Variants in SMG6 observed in about 807,000 individuals in gnomAD.
SMG6 encodes the protein telomerase-binding protein EST1A.
Under a neutral mutation model 142.2 loss-of-function variants are expected in SMG6, and 66 were observed. The observed-to-expected ratio is 0.46, with a 90% CI of 0.38 to 0.57. The LOEUF is 0.57. SMG6 is among the 20% of genes least tolerant of loss of function. The probability of loss-of-function intolerance (pLI) is 0.00; values close to 1 mark genes in which losing one functional copy is unlikely to be tolerated. For synonymous variants in SMG6, 779 were observed against 702.4 expected, an observed-to-expected ratio of 1.11 and a Z score of -1.72; for missense variants, 1,793 against 1,832.0, an observed-to-expected ratio of 0.98 and a Z score of 0.39.
At chr17:2,127,991 AG>A (rs1203326839) in intron 13 of SMG6, 2 of 502,570 alleles carry the variant, frequency 4.0e-6, no homozygotes, top group African/African-American at 3.9e-5. Flanking sequence ...AAGCACACTA[AG>A]GAACGAGTGT....
intron 9 of SMG6, among the ~76,000 whole-genome samples, chr17:2,241,727 C>A (rs2073806363): frequency 6.6e-6 from 1 of 152,104 alleles, no homozygotes; most frequent in Non-Finnish European, 1.5e-5. Context: ...TGGTCCTTTC[C>A]CAAACTTATT....
At chr17:2,153,770 G>A (rs1291396303) in intron 13 of SMG6, among the ~76,000 whole-genome samples, 1 of 112,726 alleles carries the variant, frequency 8.9e-6, no homozygotes, top group Non-Finnish European at 1.9e-5. Context: ...GACGGTGACT[G>A]GGAAACCTGG....
At chr17:2,174,687 G>C (rs1428200470) in intron 12 of SMG6, among the ~76,000 whole-genome samples, 1 of 152,180 alleles carries the variant, frequency 6.6e-6, no homozygotes, top group East Asian at 1.9e-4. Flanking sequence ...GTTTTCTAAA[G>C]CCTCTCTCAG....
intron 9 of SMG6, among the ~76,000 whole-genome samples, chr17:2,240,578 C>T (rs769958934): frequency 5.9e-5 from 9 of 152,118 alleles, no homozygotes; most frequent in Non-Finnish European, 1.3e-4. Flanking sequence ...AGTTGAAGCC[C>T]GCAGCAGCTC....
chr17:2,209,622 C>T (rs2072789149), intron 10 of SMG6, among the ~76,000 whole-genome samples: 1 of 152,100 alleles, frequency 6.6e-6, no homozygotes, highest in African/African-American at 2.4e-5. Context: ...CCTTGGCCTC[C>T]CAAACTGCTA....
chr17:2,207,928 C>A (rs2072736553), intron 10 of SMG6, among the ~76,000 whole-genome samples: 1 of 152,124 alleles, frequency 6.6e-6, no homozygotes, highest in African/African-American at 2.4e-5. Context: ...CTCAAAAGAC[C>A]TAACAGGTTT....
At chr17:2,227,886 T>A (rs1017851532) in intron 10 of SMG6, among the ~76,000 whole-genome samples, 10 of 152,158 alleles carry the variant, frequency 6.6e-5, no homozygotes, top group African/African-American at 2.4e-4. Flanking sequence ...ATGGATAAAC[T>A]AATGTGACTA....
chr17:2,295,977 A>G (rs1184260717), intron 4 of SMG6, among the ~76,000 whole-genome samples: 3 of 151,834 alleles, frequency 2.0e-5, no homozygotes, highest in African/African-American at 7.3e-5. Context: ...TCTCTTTCCC[A>G]TCTCCACGAC....
At chr17:2,198,950 TAAAAAAAA>T (rs55660022) in intron 10 of SMG6, among the ~76,000 whole-genome samples, 2 of 102,152 alleles carry the variant, frequency 2.0e-5, no homozygotes, top group African/African-American at 3.7e-5. Flanking sequence ...AAAATAAAAT[TAAAAAAAA>T]AAAAAAAAAA....
At position 2,299,577 on chromosome 17, in the gene SMG6, C is replaced by T. The variant is rs544781923; in HGVS notation, c.1176G>A (p.Gln392=). The change falls in exon 2 of 19, where the codon CAG becomes CAA. Residue 392 remains glutamine (Q), a synonymous_variant. Coordinates refer to ENST00000263073, the MANE Select transcript of SMG6 (RefSeq NM_017575.5). This position sits in a 1 kb window ranked among gnomAD's most constrained non-coding sequence, Gnocchi z 4.3. ...GTTCTTGTTTCGGGTTTTTGGACTC[C>T]TGCTTCTCAGAGCCTTTGCCCCCAC... ...LSSGGKGSEK[Q]ESKNPKQELR... 89 of 1,614,198 alleles carry T rather than the reference C, an allele frequency of 5.5e-5. No homozygotes were observed. The South Asian group carries it at 6.7e-4, about 12-fold the overall frequency.
chr17:2,142,478 G>C (rs1181218305), intron 13 of SMG6, among the ~76,000 whole-genome samples: 1 of 150,876 alleles, frequency 6.6e-6, no homozygotes, highest in African/African-American at 2.5e-5. Flanking sequence ...GACCCTCTCT[G>C]TCTGTCTGTC....
intron 12 of SMG6, among the ~76,000 whole-genome samples, chr17:2,177,647 G>C (rs1045324169): frequency 6.6e-6 from 1 of 152,168 alleles, no homozygotes; most frequent in Non-Finnish European, 1.5e-5. Context: ...GAACAAACCC[G>C]GAAAGAGTTG....
intron 9 of SMG6, chr17:2,237,510 C>T: frequency 3.0e-6 from 3 of 985,544 alleles, no homozygotes; most frequent in Non-Finnish European, 3.6e-6. Flanking sequence ...AGCCCCCAGT[C>T]ATCTGTCTCA....
intron 10 of SMG6, among the ~76,000 whole-genome samples, chr17:2,224,512 G>T (rs948618643): frequency 6.6e-6 from 1 of 152,082 alleles, no homozygotes; most frequent in Admixed American, 6.6e-5. Flanking sequence ...CTATGGAAAG[G>T]TTCAATGAAC....
intron 13 of SMG6, among the ~76,000 whole-genome samples, chr17:2,167,111 G>T (rs146630421): frequency 2.8e-5 from 3 of 106,986 alleles, no homozygotes; most frequent in African/African-American, 1.1e-4. Context: ...CAGCCTGGGC[G>T]ACAGAGTAGG....
chr17:2,258,822 G>A (rs943084084), intron 8 of SMG6, among the ~76,000 whole-genome samples: 5 of 149,592 alleles, frequency 3.3e-5, no homozygotes, highest in South Asian at 2.1e-4. Context: ...AGGAACTGGC[G>A]CGATGGCTCA....
In SMG6 at chr17:2,299,476, T is replaced by G; in HGVS notation, c.1277A>C (p.Glu426Ala). Residue 426 changes from glutamate (E) to alanine (A), a missense_variant, in exon 2 of 19, where the codon GAG becomes GCG. By Grantham distance (107) the Glu-to-Ala change is moderately radical (BLOSUM62 -1). Around this residue, in one of 3 missense-constraint regions of SMG6, gnomAD observed 1,597 missense variants for 1,584.6 expected, o/e 1.01. Transcript: ENST00000263073. The surrounding 1 kb of genome is among the most constrained non-coding windows in gnomAD (Gnocchi z 4.3). Reference sequence around the variant, plus strand: ...AAGCCGAGGTCCCAAAGGCGCGGACTCTGGAGAACCTGCTGAATTGACAGA... The same window carrying G: ...AAGCCGAGGTCCCAAAGGCGCGGACGCTGGAGAACCTGCTGAATTGACAGA... ...TLSVNSAGSP[E>A]SAPLGPRLLF... 6.2e-7 allele frequency: 1 copy of G among 1,614,150 alleles called. No individual in the cohort carries two copies. Among genetic ancestry groups the G allele is most frequent in the Non-Finnish European group, 8.5e-7 (1 of 1,180,006 alleles).
At chr17:2,250,143 G>A (rs1667037384) in intron 8 of SMG6, among the ~76,000 whole-genome samples, 1 of 152,182 alleles carries the variant, frequency 6.6e-6, no homozygotes. Flanking sequence ...CAAGGAAGGA[G>A]AGAGAAGCTG....
At chr17:2,156,393 CAAAAAAAAAA>C (rs34203812) in intron 13 of SMG6, among the ~76,000 whole-genome samples, 35 of 55,412 alleles carry the variant, frequency 6.3e-4, no homozygotes, top group African/African-American at 2.5e-3. Flanking sequence ...CACTCCTTCT[CAAAAAAAAAA>C]AAAAAAAAAA....
Sources: gnomAD v4.1 joint callset for allele counts (sites outside exome capture counted in the v4.1 genomes callset) on GRCh38, gnomAD v4.1.1 for gene constraint, gnomAD v4.1.1 regional missense constraint, Gnocchi (gnomAD v3.1) non-coding constraint, MANE v1.5 for transcripts, NCBI Gene and HGNC (gene_info 2026-07-23, HGNC 2026-07-21) for gene names.